Variants in ITIH5 observed in about 807,000 individuals in gnomAD.
The protein encoded by ITIH5 is inter-alpha-trypsin inhibitor heavy chain H5.
A neutral mutation model predicts 77.5 loss-of-function variants in ITIH5; 65 were observed. That is an observed-to-expected ratio of 0.84 (90% CI 0.69 to 1.03). The LOEUF is 1.03. Among genes scored for constraint, ITIH5 ranks in the 50% least tolerant of loss-of-function variants. The pLI, the probability that ITIH5 is intolerant of heterozygous loss-of-function variation, is 0.00. For missense variants in ITIH5, 1,208 were observed against 1,213.1 expected (o/e 1.00, Z 0.06); for synonymous variants, 525 against 494.3 (o/e 1.06, Z -0.82).
At chr10:7,566,721 C>A (rs1277204872) in intron 12 of ITIH5, among the ~76,000 whole-genome samples, 1 of 19,078 alleles carries the variant, frequency 5.2e-5, no homozygotes, top group Non-Finnish European at 9.4e-5. Flanking sequence ...GATCCTATCT[C>A]ATTAAAAAAA....
At chr10:7,613,264 A>C (rs1020948563) in intron 7 of ITIH5, among the ~76,000 whole-genome samples, 1 of 91,970 alleles carries the variant, frequency 1.1e-5, no homozygotes, top group African/African-American at 3.5e-5. Context: ...AAAAAAAAAA[A>C]AAAAAAGAAC....
intron 7 of ITIH5, among the ~76,000 whole-genome samples, chr10:7,596,515 T>C (rs190878552): frequency 6.6e-6 from 1 of 152,222 alleles, no homozygotes; most frequent in East Asian, 1.9e-4. Flanking sequence ...ACCCTAGGTT[T>C]TTGAGCATAA....
chr10:7,579,358 T>C (rs1429622843), intron 9 of ITIH5, among the ~76,000 whole-genome samples: 1 of 152,114 alleles, frequency 6.6e-6, no homozygotes, highest in Non-Finnish European at 1.5e-5. Context: ...AAACCTTGTC[T>C]CTACTAAAAA....
chr10:7,621,922 G>A (rs1833480489), intron 5 of ITIH5: 1 of 152,150 alleles, frequency 6.6e-6, no homozygotes. Flanking sequence ...CAAAAAAGAG[G>A]AAGAATCTGA....
chr10:7,591,067 T>C (rs891758503), intron 7 of ITIH5, among the ~76,000 whole-genome samples: 13 of 152,278 alleles, frequency 8.5e-5, no homozygotes, highest in Non-Finnish European at 1.5e-4. Flanking sequence ...CAGCTAATTT[T>C]TTCTATTTTA....
intron 5 of ITIH5, among the ~76,000 whole-genome samples, chr10:7,624,889 G>A (rs1439487259): frequency 8.9e-5 from 3 of 33,716 alleles, no homozygotes; most frequent in Non-Finnish European, 1.6e-4. Flanking sequence ...ATATATATGT[G>A]TATATATATA....
rs1833215316 is a variant in ITIH5 at position 7,610,125 on chromosome 10, G to T, written c.939+5857C>A. Among the ~76,000 whole-genome samples the T allele has an allele frequency of 4.9e-5, 6 of 122,506 alleles. No individual in the cohort carries two copies. The South Asian group carries it at 1.6e-3, about 33-fold the overall frequency. 80.4% of individuals were successfully genotyped at this position (122,506 alleles called of 152,430 possible). ...CTCCCATTCTCACCAAGAAGTTTTAGCTCAAACTGGGAGGTAGAAACCCTG... is the reference window on the plus strand; with the variant it reads ...CTCCCATTCTCACCAAGAAGTTTTATCTCAAACTGGGAGGTAGAAACCCTG... On this transcript the variant is annotated intron_variant, in intron 7 of 13. Coordinates refer to ENST00000397146, the MANE Select transcript of ITIH5 (RefSeq NM_030569.7).
intron 2 of ITIH5, among the ~76,000 whole-genome samples, chr10:7,649,629 TG>T (rs1302445055): frequency 6.6e-6 from 1 of 151,984 alleles, no homozygotes; most frequent in African/African-American, 2.4e-5. Flanking sequence ...AGTAAGAAAA[TG>T]TTTTAAAACA....
At chr10:7,628,471 C>A (rs1362864164) in intron 5 of ITIH5, among the ~76,000 whole-genome samples, 2 of 145,128 alleles carry the variant, frequency 1.4e-5, no homozygotes, top group Non-Finnish European at 3.1e-5. Context: ...TGTATCCGTG[C>A]TGCGGCATGT....
rs111357549 is a variant in ITIH5 at position 7,576,956 on chromosome 10, G to C, written c.1475C>G (p.Pro492Arg). ...CTTGGTGGCCTGCACCACTGAGCTGGGGGGATAATCGATGCGGATGTCAGA... is the reference window on the plus strand; with the variant it reads ...CTTGGTGGCCTGCACCACTGAGCTGCGGGGATAATCGATGCGGATGTCAGA... ...LLSDIRIDYP[P>R]SSVVQATKTL... Residue 492 changes from proline (P) to arginine (R), a missense_variant, in exon 10 of 14, where the codon CCC becomes CGC. By Grantham distance (103) the Pro-to-Arg change is moderately radical (BLOSUM62 -2). Transcript: ENST00000397146. The C allele has an allele frequency of 9.3e-5, 150 of 1,614,036 alleles. No individual in the cohort carries two copies. The highest frequency in any genetic ancestry group is 1.2e-4 in the Non-Finnish European group (147 of 1,180,022).
chr10:7,595,334 C>T (rs766295824), intron 7 of ITIH5, among the ~76,000 whole-genome samples: 28 of 85,062 alleles, frequency 3.3e-4, no homozygotes, highest in Non-Finnish European at 5.4e-4. Flanking sequence ...ACTTAGTAAA[C>T]GGAAAGAATA....
intron 2 of ITIH5, among the ~76,000 whole-genome samples, chr10:7,644,666 T>G (rs373612596): frequency 1.5e-5 from 2 of 136,820 alleles, no homozygotes; most frequent in Non-Finnish European, 3.0e-5. Context: ...ATATATATCA[T>G]ATATATCACA....
intron 7 of ITIH5, among the ~76,000 whole-genome samples, chr10:7,607,612 G>A (rs759430289): frequency 2.6e-5 from 4 of 152,216 alleles, no homozygotes; most frequent in Non-Finnish European, 5.9e-5. Context: ...TCAGGAGTTC[G>A]AGATCAGCCT....
intron 11 of ITIH5, chr10:7,572,259 A>T (rs1832315950): frequency 7.5e-7 from 1 of 1,330,170 alleles, no homozygotes; most frequent in South Asian, 1.2e-5. Context: ...AGACTTCCAG[A>T]GGATGATCTG....
intron 1 of ITIH5, among the ~76,000 whole-genome samples, chr10:7,658,094 T>G (rs991757664): frequency 6.6e-6 from 1 of 152,260 alleles, no homozygotes. Flanking sequence ...AAACACTATA[T>G]GTAACATGAT....
At chr10:7,608,626 G>A (rs1028741180) in intron 7 of ITIH5, among the ~76,000 whole-genome samples, 28 of 152,302 alleles carry the variant, frequency 1.8e-4, no homozygotes, top group African/African-American at 6.5e-4. Flanking sequence ...ATAGTCTGAA[G>A]AAGGCAGCTA....
chr10:7,644,493 CATAATCACATATATATG>C (rs1833945923), intron 2 of ITIH5, among the ~76,000 whole-genome samples: 1 of 73,200 alleles, frequency 1.4e-5, no homozygotes, highest in African/African-American at 5.6e-5. Context: ...ACATATATAT[CATAATCACATATATATG>C]ATATATATCA....
intron 7 of ITIH5, among the ~76,000 whole-genome samples, chr10:7,596,222 T>G (rs181169121): frequency 3.0e-3 from 460 of 152,292 alleles, no homozygotes; most frequent in African/African-American, 0.011. Flanking sequence ...TTCCGCTCCC[T>G]CTTTCCTATA....
chr10:7,591,437 T>G (rs1210148823), intron 7 of ITIH5, among the ~76,000 whole-genome samples: 1 of 152,098 alleles, frequency 6.6e-6, no homozygotes, highest in African/African-American at 2.4e-5. Flanking sequence ...ACTTGATATG[T>G]CCCCTCCTTG....
Sources: allele counts gnomAD v4.1 joint callset (sites outside exome capture counted in the v4.1 genomes callset), GRCh38; gene constraint gnomAD v4.1.1; transcripts MANE v1.5; gene names NCBI Gene and HGNC (gene_info 2026-07-23, HGNC 2026-07-21).